The following DCBLD2 variants were observed in gnomAD, a reference collection of about 807,000 sequenced individuals.
The protein encoded by DCBLD2 is discoidin, CUB and LCCL domain-containing protein 2.
In DCBLD2, 54 loss-of-function variants were observed where a neutral mutation model predicts 86.8. The ratio of observed to expected loss-of-function variants is 0.62; its 90% CI spans 0.50 to 0.78. The LOEUF is 0.78. DCBLD2 is among the 30% of genes least tolerant of loss of function. DCBLD2 has a pLI of 0.00. For missense variants in DCBLD2, 908 were observed against 954.2 expected (o/e 0.95, Z 0.64); for synonymous variants, 354 against 341.3 (o/e 1.04, Z -0.41).
chr3:98,868,682 C>A (rs1451818653), intron 2 of DCBLD2, among the ~76,000 whole-genome samples: 1 of 152,090 alleles, frequency 6.6e-6, no homozygotes, highest in Non-Finnish European at 1.5e-5. Flanking sequence ...AGGTTAGTCC[C>A]CCCTTGTGAG....
At chr3:98,892,691 T>A (rs1174959368) in intron 1 of DCBLD2, among the ~76,000 whole-genome samples, 1 of 152,106 alleles carries the variant, frequency 6.6e-6, no homozygotes, top group Non-Finnish European at 1.5e-5. Flanking sequence ...ATCCTCCCAA[T>A]AGTTTCTCCT....
rs973884392 is a variant in DCBLD2 at position 98,812,463 on chromosome 3, T to C, written c.1232A>G (p.Asp411Gly). The change falls in exon 10 of 16, where the codon GAT becomes GGT. Residue 411 changes from aspartate (D) to glycine (G), a missense_variant. Around this residue, in one of 3 missense-constraint regions of DCBLD2, gnomAD observed 606 missense variants for 678.5 expected, o/e 0.89. Transcript: ENST00000326840. ...EQDKIFQGNK[D>G]YHQDVRNNFL... Reference sequence around the variant, plus strand: ...GTTATTACGCACATCCTGGTGATAATCTTTGTTTCCTTGAAATATCTTTAA... The same window carrying C: ...GTTATTACGCACATCCTGGTGATAACCTTTGTTTCCTTGAAATATCTTTAA... The C allele has an allele frequency of 1.9e-6, 3 of 1,612,956 alleles. No homozygotes were observed. Among genetic ancestry groups the C allele is most frequent in the Non-Finnish European group, 1.7e-6 (2 of 1,179,410 alleles).
At chr3:98,800,318 G>A (rs6780169) in intron 15 of DCBLD2, among the ~76,000 whole-genome samples, 5 of 151,890 alleles carry the variant, frequency 3.3e-5, no homozygotes, top group Admixed American at 6.6e-5. Context: ...TCAACATCTC[G>A]GGTCTCCCCA....
At chr3:98,891,087 CAG>C (rs775519739) in intron 1 of DCBLD2, among the ~76,000 whole-genome samples, 18 of 151,760 alleles carry the variant, frequency 1.2e-4, no homozygotes, top group East Asian at 7.7e-4. Flanking sequence ...AAGACAAACA[CAG>C]AGAGTCATTC....
chr3:98,814,706 C>A lies in DCBLD2; in HGVS notation c.1213-2224G>T, dbSNP rs745966258. The A allele has an allele frequency of 5.3e-5, 8 of 152,162 alleles. No homozygotes were observed. The South Asian group carries it at 6.2e-4, about 12-fold the overall frequency. The allele number at this position is 152,162 out of a possible 1,614,324, so 9.4% of individuals were successfully genotyped here. ...TCAGAAAAGGGGTAAAATGAATACA[C>A]CAATTACCCTTGGGTTGGAGGTGAT... On this transcript the variant is annotated intron_variant, in intron 9 of 15. Coordinates refer to ENST00000326840, the MANE Select transcript of DCBLD2 (RefSeq NM_080927.4).
At position 98,799,613 on chromosome 3, in the gene DCBLD2, G is replaced by T. The variant is rs750189477; in HGVS notation, c.2087C>A (p.Pro696His). ...CGTAGCCTTGAAAGTGGATGTGGAG[G>T]GCTGACCAACTGAAGTTGTGGGGTG... Reference protein sequence around the residue: ...SGHPTTSVGQPSTSTFKATGN... With the variant: ...SGHPTTSVGQHSTSTFKATGN... The change falls in exon 16 of 16, where the codon CCC (proline) becomes CAC (histidine). Residue 696 changes from proline (P) to histidine (H), a missense_variant. By Grantham distance (77) the Pro-to-His change is moderately conservative. Around this residue, in one of 3 missense-constraint regions of DCBLD2, gnomAD observed 606 missense variants for 678.5 expected, o/e 0.89. Transcript: ENST00000326840. 1 of 1,613,984 alleles carries T rather than the reference G, an allele frequency of 6.2e-7. No individual in the cohort carries two copies. The highest frequency in any genetic ancestry group is 2.2e-5 in the East Asian group (1 of 44,880).
At chr3:98,861,442 T>G (rs1943042055) in intron 2 of DCBLD2, among the ~76,000 whole-genome samples, 1 of 152,046 alleles carries the variant, frequency 6.6e-6, no homozygotes, top group South Asian at 2.1e-4. Context: ...AGCACCACAT[T>G]GCACTTATTC....
chr3:98,859,140 G>C (rs977653623), intron 2 of DCBLD2, among the ~76,000 whole-genome samples: 3 of 152,190 alleles, frequency 2.0e-5, no homozygotes, highest in African/African-American at 7.2e-5. Context: ...TAGCACAGCA[G>C]TCTGGGATTG....
chr3:98,870,001 T>A (rs927227024), intron 2 of DCBLD2, among the ~76,000 whole-genome samples: 1 of 152,224 alleles, frequency 6.6e-6, no homozygotes, highest in Non-Finnish European at 1.5e-5. Flanking sequence ...AGGGTGCTAT[T>A]TTGTGGCAAA....
chr3:98,836,367 G>A (rs1224726514), intron 3 of DCBLD2, among the ~76,000 whole-genome samples: 1 of 147,674 alleles, frequency 6.8e-6, no homozygotes, highest in East Asian at 1.9e-4. Context: ...TGTATAACAT[G>A]GAACGTTAGT....
intron 1 of DCBLD2, among the ~76,000 whole-genome samples, chr3:98,897,712 GA>G (rs1160321001): frequency 2.0e-5 from 3 of 151,996 alleles, no homozygotes; most frequent in African/African-American, 7.2e-5. Context: ...AATTAGCAAA[GA>G]AAAACTAATA....
In DCBLD2 at chr3:98,844,270, T is replaced by G. The variant is rs1057262027; in HGVS notation, c.571+5191A>C. On this transcript the variant is annotated intron_variant, in intron 3 of 15. Coordinates refer to ENST00000326840, the MANE Select transcript of DCBLD2 (RefSeq NM_080927.4). Reference sequence around the variant, plus strand: ...ACAGAAATTTAGATCATCTATAAAATTCATTTTATTTTTCAATTCCAATGA... The same window carrying G: ...ACAGAAATTTAGATCATCTATAAAAGTCATTTTATTTTTCAATTCCAATGA... 3.5e-4 allele frequency among the ~76,000 whole-genome samples: 53 copies of G among 152,012 alleles called. 1 individual carries two copies. Among genetic ancestry groups the G allele is most frequent in the Non-Finnish European group, 6.3e-4 (43 of 67,998 alleles).
intron 2 of DCBLD2, among the ~76,000 whole-genome samples, chr3:98,859,779 C>A (rs1385737604): frequency 1.3e-5 from 2 of 152,160 alleles, no homozygotes; most frequent in African/African-American, 4.8e-5. Flanking sequence ...GGGGAAAAAA[C>A]AGAGCAGAAA....
chr3:98,870,806 A>AAAGAAAAGAAAGAAAGAAAGG (rs1943267099), intron 2 of DCBLD2, among the ~76,000 whole-genome samples: 1 of 123,300 alleles, frequency 8.1e-6, no homozygotes, highest in Non-Finnish European at 1.7e-5. Flanking sequence ...AGAAAGAAAG[A>AAAGAAAAGAAAGAAAGAAAGG]AAGAAAGGTA....
intron 12 of DCBLD2, among the ~76,000 whole-genome samples, chr3:98,809,574 C>T (rs1941900991): frequency 6.6e-6 from 1 of 152,106 alleles, no homozygotes; most frequent in Non-Finnish European, 1.5e-5. Context: ...AGGAAACTCC[C>T]TACTTTCTCT....
chr3:98,875,808 T>C (rs528922071), intron 2 of DCBLD2, among the ~76,000 whole-genome samples: 1 of 152,204 alleles, frequency 6.6e-6, no homozygotes, highest in South Asian at 2.1e-4. Context: ...GGGACAAAGA[T>C]AAACTTTTAA....
At position 98,799,319 on chromosome 3, in the gene DCBLD2, A is replaced by AAC; in HGVS notation, c.*52_*53insGT. The AAC allele has an allele frequency of 6.6e-7, 1 of 1,516,614 alleles. No homozygotes were observed. The highest frequency in any genetic ancestry group is 1.3e-5 in the South Asian group (1 of 75,050). 93.9% of individuals were successfully genotyped at this position (1,516,614 alleles called of 1,614,324 possible). A position where few individuals can be genotyped will look rare whatever the true frequency, so the allele number is the denominator to read the frequency against. On this transcript the variant is annotated 3_prime_UTR_variant, in exon 16 of 16. Transcript: ENST00000326840. ...ATATATTACTACCACTAATAATTAA[A>AAC]AAAAAAAGGCCATGTGCTTTAAAAC...
At position 98,881,750 on chromosome 3, in the gene DCBLD2, T is replaced by C; in HGVS notation, c.223A>G (p.Thr75Ala). ...GTTCCACTCTCAGGGCCTAGTACAG[T>C]GTGTCCACATCCATCACCTTTAAAA... is the stretch of plus-strand genomic sequence containing the variant. ...GAQQGDGCGH[T>A]VLGPESGTLT... Residue 75 changes from threonine (T) to alanine (A), a missense_variant, in exon 2 of 16, where the codon ACT (threonine) becomes GCT (alanine). By Grantham distance (58) the Thr-to-Ala change is moderately conservative. Transcript: ENST00000326840. 1 of 1,612,762 alleles carries C rather than the reference T, an allele frequency of 6.2e-7. No homozygotes were observed.
At chr3:98,824,065 A>G (rs1363322642) in intron 4 of DCBLD2, among the ~76,000 whole-genome samples, 1 of 152,168 alleles carries the variant, frequency 6.6e-6, no homozygotes, top group Non-Finnish European at 1.5e-5. Flanking sequence ...CGGCAGTGCA[A>G]GTAGGTGCCA....
Sources: gnomAD v4.1 joint callset for allele counts (sites outside exome capture counted in the v4.1 genomes callset) on GRCh38, gnomAD v4.1.1 for gene constraint, gnomAD v4.1.1 regional missense constraint, MANE v1.5 for transcripts, NCBI Gene and HGNC (gene_info 2026-07-23, HGNC 2026-07-21) for gene names.